The following CRACD variants were observed in gnomAD, a reference collection of about 807,000 sequenced individuals.
CRACD encodes the protein capping protein inhibiting regulator of actin dynamics.
In CRACD, 56 loss-of-function variants were observed where a neutral mutation model predicts 106.8. The ratio of observed to expected loss-of-function variants is 0.52; its 90% CI spans 0.42 to 0.66. CRACD has a LOEUF of 0.66. Among genes scored for constraint, CRACD ranks in the 30% least tolerant of loss-of-function variants. CRACD has a pLI of 0.00. For synonymous variants in CRACD, 754 were observed against 670.8 expected (o/e 1.12, Z -1.92); for missense variants, 1,730 against 1,623.2 (o/e 1.07, Z -1.13).
intron 1 of CRACD, among the ~76,000 whole-genome samples, chr4:56,065,393 A>G (rs2109790342): frequency 6.6e-6 from 1 of 152,208 alleles, no homozygotes; most frequent in Admixed American, 6.5e-5. Context: ...CAGCACCATG[A>G]GTCTTTATGA....
intron 1 of CRACD, among the ~76,000 whole-genome samples, chr4:56,167,162 C>T (rs954267953): frequency 6.6e-6 from 1 of 152,082 alleles, no homozygotes; most frequent in Non-Finnish European, 1.5e-5. Context: ...CTTTATTATA[C>T]AATTTATGAA....
chr4:56,215,474 C>A (rs1391240871), intron 2 of CRACD, among the ~76,000 whole-genome samples: 1 of 152,208 alleles, frequency 6.6e-6, no homozygotes, highest in Non-Finnish European at 1.5e-5. Context: ...TAATCCATTG[C>A]ACTTGTGCAT....
intron 1 of CRACD, among the ~76,000 whole-genome samples, chr4:56,137,722 G>A (rs1735053195): frequency 1.3e-5 from 2 of 152,296 alleles, no homozygotes; most frequent in Middle Eastern, 3.4e-3. Context: ...GCATGGTGGT[G>A]CACGCCTGTA....
At chr4:56,203,003 T>A (rs1363401819) in intron 2 of CRACD, among the ~76,000 whole-genome samples, 1 of 152,220 alleles carries the variant, frequency 6.6e-6, no homozygotes, top group Non-Finnish European at 1.5e-5. Context: ...TGTATGATAT[T>A]AATGAAATTT....
chr4:56,309,859 A>AT (rs1230014348), intron 5 of CRACD, among the ~76,000 whole-genome samples: 286 of 151,988 alleles, frequency 1.9e-3, no homozygotes, highest in African/African-American at 6.6e-3. Context: ...GTCTCAAAAA[A>AT]AATATATATA....
At chr4:56,292,194 G>T (rs1262947410) in intron 3 of CRACD, among the ~76,000 whole-genome samples, 1 of 152,162 alleles carries the variant, frequency 6.6e-6, no homozygotes, top group Non-Finnish European at 1.5e-5. Context: ...GTGGTAGTTT[G>T]AACTCAAGAG....
intron 2 of CRACD, among the ~76,000 whole-genome samples, chr4:56,253,119 C>G (rs1340597365): frequency 6.6e-6 from 1 of 152,114 alleles, no homozygotes; most frequent in Non-Finnish European, 1.5e-5. Context: ...AGACCTGCAT[C>G]CTGATGTAAA....
chr4:56,063,505 A>T (rs907125244), intron 1 of CRACD, among the ~76,000 whole-genome samples: 1 of 152,064 alleles, frequency 6.6e-6, no homozygotes, highest in Admixed American at 6.6e-5. Flanking sequence ...CATCATCTCA[A>T]CTAGAAATTC....
chr4:56,185,652 C>T (rs933016650), intron 2 of CRACD, among the ~76,000 whole-genome samples: 1 of 152,214 alleles, frequency 6.6e-6, no homozygotes, highest in South Asian at 2.1e-4. Flanking sequence ...GACTTCTCTT[C>T]ATGAGACAGA....
intron 2 of CRACD, among the ~76,000 whole-genome samples, chr4:56,249,023 C>A (rs1449634031): frequency 1.3e-5 from 1 of 78,614 alleles, no homozygotes; most frequent in South Asian, 4.8e-4. Context: ...TGAATAATAC[C>A]GCAATAAACA....
chr4:56,129,993 G>T (rs988811098), intron 1 of CRACD, among the ~76,000 whole-genome samples: 1 of 152,146 alleles, frequency 6.6e-6, no homozygotes, highest in Non-Finnish European at 1.5e-5. Context: ...CAGTAACCAG[G>T]CCAGGCACAA....
chr4:56,300,146 A>T (rs1035352475), intron 4 of CRACD, among the ~76,000 whole-genome samples: 1 of 152,166 alleles, frequency 6.6e-6, no homozygotes, highest in Non-Finnish European at 1.5e-5. Flanking sequence ...CAAAAAAAAA[A>T]GAAAATTATT....
At chr4:56,056,272 G>A (rs1317491559) in intron 1 of CRACD, among the ~76,000 whole-genome samples, 1 of 152,168 alleles carries the variant, frequency 6.6e-6, no homozygotes, top group Non-Finnish European at 1.5e-5. Flanking sequence ...ACACCATTTT[G>A]AATGAGGGTA....
At chr4:56,087,643 T>C (rs1376108711) in intron 1 of CRACD, among the ~76,000 whole-genome samples, 1 of 152,208 alleles carries the variant, frequency 6.6e-6, no homozygotes, top group Non-Finnish European at 1.5e-5. Flanking sequence ...CCATCCCATC[T>C]GAATATTTTC....
chr4:56,070,574 A>G (rs1732611191), intron 1 of CRACD, among the ~76,000 whole-genome samples: 1 of 151,686 alleles, frequency 6.6e-6, no homozygotes, highest in Non-Finnish European at 1.5e-5. Context: ...GGCGTGAGCC[A>G]CCTTGCCCGG....
chr4:56,139,785 A>AT lies in CRACD; in HGVS notation c.-335-39492dup, dbSNP rs1290945250. 3.3e-5 allele frequency among the ~76,000 whole-genome samples: 5 copies of AT among 152,188 alleles called. No individual in the cohort carries two copies. The South Asian group carries it at 8.3e-4, about 25-fold the overall frequency. The stretch of plus-strand genomic sequence containing the variant: ...AAGAGAAAAAAAATGCCTTTTTTGC[A>AT]TTTTTTTCTTTTTTGCACAAATATA... On this transcript the variant is annotated intron_variant, in intron 1 of 10. Coordinates refer to ENST00000682029, the MANE Select transcript of CRACD (RefSeq NM_001393381.1).
At chr4:56,153,211 G>A (rs1422569663) in intron 1 of CRACD, among the ~76,000 whole-genome samples, 3 of 151,752 alleles carry the variant, frequency 2.0e-5, no homozygotes, top group Non-Finnish European at 4.4e-5. Flanking sequence ...CCTAGGAGGC[G>A]GAGGCTGCAG....
chr4:56,310,705 C>T lies in CRACD; in HGVS notation c.325C>T (p.Pro109Ser). 6.2e-7 allele frequency: 1 copy of T among 1,611,466 alleles called. No individual in the cohort carries two copies. Among genetic ancestry groups the T allele is most frequent in the Non-Finnish European group, 8.5e-7 (1 of 1,177,622 alleles). Residue 109 changes from proline (P) to serine (S), a missense_variant, in exon 6 of 11, where the codon CCT (proline) becomes TCT (serine). This residue lies in a region of CRACD where 1,620 missense variants were observed against 1,481.6 expected (regional missense o/e 1.09). Coordinates refer to ENST00000682029, the MANE Select transcript of CRACD (RefSeq NM_001393381.1). ...AAGTTCTCTAAGTCCTCTGAATCTCCCTGGAGCTGGAAGTGAGATGGAAGA... is the reference window on the plus strand; with the variant it reads ...AAGTTCTCTAAGTCCTCTGAATCTCTCTGGAGCTGGAAGTGAGATGGAAGA... ...TPSSLSPLNL[P>S]GAGSEMEEKV...
At chr4:56,153,620 C>A (rs1011103330) in intron 1 of CRACD, among the ~76,000 whole-genome samples, 1 of 152,156 alleles carries the variant, frequency 6.6e-6, no homozygotes, top group East Asian at 1.9e-4. Flanking sequence ...CAGAGCATGT[C>A]ACGTCCTTGC....
Sources: allele counts gnomAD v4.1 joint callset (sites outside exome capture counted in the v4.1 genomes callset), GRCh38; gene constraint gnomAD v4.1.1; regional missense constraint gnomAD v4.1.1; transcripts MANE v1.5; gene names NCBI Gene and HGNC (gene_info 2026-07-23, HGNC 2026-07-21).